Variants in CACNA1C observed in about 807,000 individuals in gnomAD.
CACNA1C encodes calcium voltage-gated channel subunit alpha1 C, also known as voltage-dependent L-type calcium channel subunit alpha-1C.
CACNA1C carries 30 observed loss-of-function variants against 229.0 expected under a neutral mutation model. That is an observed-to-expected ratio of 0.13 (90% CI 0.10 to 0.18). CACNA1C has a LOEUF of 0.18. Among genes scored for constraint, CACNA1C ranks in the 10% least tolerant of loss-of-function variants. The probability of loss-of-function intolerance (pLI) is 1.00; values close to 1 mark genes in which losing one functional copy is unlikely to be tolerated. For synonymous variants in CACNA1C, 1,114 were observed against 1,132.5 expected, an observed-to-expected ratio of 0.98 and a Z score of 0.33; for missense variants, 1,658 against 2,845.0, an observed-to-expected ratio of 0.58 and a Z score of 9.49.
Position 2,654,046 on chromosome 12 carries a change from C to CA in CACNA1C, c.4140+151dup. On this transcript the variant is annotated intron_variant, in intron 33 of 46. Transcript: ENST00000399655. This position sits in a 1 kb window ranked among gnomAD's most constrained non-coding sequence, Gnocchi z 4.4. ...CCCTCCTCTTCCATTTTCTGAGGCC[C>CA]AAAAAGCCACAGGAATTGGAACTTT... The CA allele has an allele frequency of 1.5e-6, 1 of 673,228 alleles. No homozygotes were observed. Among genetic ancestry groups the CA allele is most frequent in the Non-Finnish European group, 2.6e-6 (1 of 388,716 alleles). The allele number at this position is 673,228 out of a possible 1,614,324, so 41.7% of individuals were successfully genotyped here. A position where few individuals can be genotyped will look rare whatever the true frequency, so the allele number is the denominator to read the frequency against.
At chr12:2,083,290 T>C (rs1181115095) in intron 1 of CACNA1C, among the ~76,000 whole-genome samples, 1 of 152,224 alleles carries the variant, frequency 6.6e-6, no homozygotes, top group Non-Finnish European at 1.5e-5. Context: ...ATGGAAGCCA[T>C]GGACTCCTCC....
intron 30 of CACNA1C, among the ~76,000 whole-genome samples, chr12:2,643,465 G>A (rs1017539599): frequency 6.6e-6 from 1 of 152,164 alleles, no homozygotes; most frequent in African/African-American, 2.4e-5. Flanking sequence ...CTGTCTGAAA[G>A]CCATGGCCTC....
At chr12:2,619,270 A>G (rs534875953) in intron 29 of CACNA1C, among the ~76,000 whole-genome samples, 1 of 152,230 alleles carries the variant, frequency 6.6e-6, no homozygotes. Context: ...GAGTGAGGTC[A>G]TATCTACAGA....
chr12:2,327,348 T>C (rs560132363), intron 3 of CACNA1C, among the ~76,000 whole-genome samples: 38 of 152,218 alleles, frequency 2.5e-4, no homozygotes, highest in Non-Finnish European at 4.7e-4. Flanking sequence ...CTGCCAGGCA[T>C]CTACAGTCAA....
chr12:2,051,956 C>T (rs866717570), upstream of CACNA1C, among the ~76,000 whole-genome samples: 8 of 152,042 alleles, frequency 5.3e-5, no homozygotes, highest in Admixed American at 2.6e-4. Flanking sequence ...GATGTGGAGG[C>T]GAGGAGGTCT....
Position 2,053,898 on chromosome 12 carries a change from C to T in CACNA1C, c.49+287C>T, listed in dbSNP as rs1488933892. Among the ~76,000 whole-genome samples the T allele has an allele frequency of 6.8e-6, 1 of 147,958 alleles. No homozygotes were observed. On this transcript the variant is annotated intron_variant, in intron 1 of 46. Transcript: ENST00000399655. This position sits in a 1 kb window ranked among gnomAD's most constrained non-coding sequence, Gnocchi z 5.8. Reference sequence around the variant, plus strand: ...TCCAGGCGAGGGGGGAAAAGTTCCCCAAGTGGCTGCCGCCGCCTCGCTTTC... The same window carrying T: ...TCCAGGCGAGGGGGGAAAAGTTCCCTAAGTGGCTGCCGCCGCCTCGCTTTC...
intron 5 of CACNA1C, among the ~76,000 whole-genome samples, chr12:2,483,900 A>C (rs1249877199): frequency 6.6e-6 from 1 of 152,200 alleles, no homozygotes; most frequent in Non-Finnish European, 1.5e-5. Flanking sequence ...TCTGGAAAGC[A>C]GGTGTCTGTG....
At chr12:2,063,508 T>C (rs1565455204) in intron 1 of CACNA1C, among the ~76,000 whole-genome samples, 2 of 152,216 alleles carry the variant, frequency 1.3e-5, no homozygotes, top group Non-Finnish European at 2.9e-5. Flanking sequence ...TGATAACATA[T>C]CTCACAAATT....
At chr12:2,502,789 G>A (rs2099763614) in intron 7 of CACNA1C, among the ~76,000 whole-genome samples, 1 of 152,204 alleles carries the variant, frequency 6.6e-6, no homozygotes, top group Non-Finnish European at 1.5e-5. Context: ...GGCTGCTGAA[G>A]CTGCAAAGCC....
At chr12:2,302,857 G>A (rs1255185914) in intron 3 of CACNA1C, among the ~76,000 whole-genome samples, 1 of 152,212 alleles carries the variant, frequency 6.6e-6, no homozygotes, top group African/African-American at 2.4e-5. Flanking sequence ...TTTGGGACCA[G>A]GGAGCCTCTC....
chr12:2,382,904 G>A (rs1353334213), intron 3 of CACNA1C, among the ~76,000 whole-genome samples: 1 of 152,098 alleles, frequency 6.6e-6, no homozygotes, highest in African/African-American at 2.4e-5. Context: ...CCCACAGGAT[G>A]GGGAAAGCCT....
intron 3 of CACNA1C, among the ~76,000 whole-genome samples, chr12:2,182,472 A>C (rs2096872250): frequency 1.3e-5 from 2 of 151,594 alleles, no homozygotes; most frequent in South Asian, 4.2e-4. Context: ...GCCATTTCAC[A>C]GTCTCTTTGC....
At position 2,677,798 on chromosome 12, in the gene CACNA1C, C is replaced by T. The variant is rs372300407; in HGVS notation, c.5022C>T (p.Thr1674=). The change falls in exon 41 of 47, where the codon ACC becomes ACT. Residue 1674 remains threonine, a synonymous_variant. Transcript: ENST00000399655. This position sits in a 1 kb window ranked among gnomAD's most constrained non-coding sequence, Gnocchi z 7.4. ...GACGGGCCATCTCTGGAGATCTCAC[C>T]GCTGAGGAGGAGCTGGACAAGGCCA... The part of the protein sequence containing the change: ...EIRRAISGDL[T]AEEELDKAMK... 40 of 1,613,846 alleles carry T rather than the reference C, an allele frequency of 2.5e-5. No homozygotes were observed. The African/African-American group carries it at 3.1e-4, about 12-fold the overall frequency.
At chr12:2,019,146 T>A (rs74060003) in intron 1 of CACNA1C, among the ~76,000 whole-genome samples, 4,209 of 151,884 alleles carry the variant, frequency 0.028, 85 homozygotes, top group Middle Eastern at 0.044. Flanking sequence ...AAAAACAGAG[T>A]TGGAGCTGAC....
At chr12:2,071,500 G>A (rs577997741) in intron 1 of CACNA1C, among the ~76,000 whole-genome samples, 11 of 152,120 alleles carry the variant, frequency 7.2e-5, no homozygotes, top group African/African-American at 2.4e-4. Flanking sequence ...TGGGATTATA[G>A]GCATGAGCTA....
chr12:2,250,783 T>G (rs2075318985), intron 3 of CACNA1C, among the ~76,000 whole-genome samples: 1 of 152,228 alleles, frequency 6.6e-6, no homozygotes, highest in South Asian at 2.1e-4. Context: ...TAATGGAAAT[T>G]CCACATGCTT....
intron 3 of CACNA1C, among the ~76,000 whole-genome samples, chr12:2,148,742 G>T (rs781752790): frequency 6.6e-6 from 1 of 150,954 alleles, no homozygotes; most frequent in Non-Finnish European, 1.5e-5. Flanking sequence ...TAGAAACAGG[G>T]TCTTGCTGTC....
Position 1,971,267 on chromosome 12 carries a change from A to G in CACNA1C, c.139+66A>G. 1.2e-6 allele frequency: 1 copy of G among 836,102 alleles called. No individual in the cohort carries two copies. The highest frequency in any genetic ancestry group is 1.7e-6 in the Non-Finnish European group (1 of 585,096). The allele number at this position is 836,102 out of a possible 1,614,324, so 51.8% of individuals were successfully genotyped here. A position where few individuals can be genotyped will look rare whatever the true frequency, so the allele number is the denominator to read the frequency against. Reference sequence around the variant, plus strand: ...GTTGAAATTTACTCTAAATATCCTAATGATACCTAGAATGTGACTTCCTCA... The same window carrying G: ...GTTGAAATTTACTCTAAATATCCTAGTGATACCTAGAATGTGACTTCCTCA... On this transcript the variant is annotated intron_variant, in intron 1 of 46. Coordinates refer to the CACNA1C transcript ENST00000682462. The surrounding 1 kb of genome is among the most constrained non-coding windows in gnomAD (Gnocchi z 4.2).
intron 3 of CACNA1C, among the ~76,000 whole-genome samples, chr12:2,272,745 G>A (rs1250868938): frequency 6.6e-6 from 1 of 152,186 alleles, no homozygotes. Flanking sequence ...AAAGGGCTGT[G>A]GCCACTGCCT....
Sources: gnomAD v4.1 joint callset for allele counts (sites outside exome capture counted in the v4.1 genomes callset) on GRCh38, gnomAD v4.1.1 for gene constraint, Gnocchi (gnomAD v3.1) non-coding constraint, MANE v1.5 for transcripts, NCBI Gene and HGNC (gene_info 2026-07-23, HGNC 2026-07-21) for gene names.